PPP1R12B: variants seen among roughly 807,000 people sequenced by gnomAD.
PPP1R12B encodes protein phosphatase 1 regulatory subunit 12B.
A neutral mutation model predicts 126.1 loss-of-function variants in PPP1R12B; 76 were observed. The ratio of observed to expected loss-of-function variants is 0.60; its 90% confidence interval spans 0.50 to 0.73. The LOEUF is 0.73. Among genes scored for constraint, PPP1R12B ranks in the 30% least tolerant of loss-of-function variants. The pLI is 0.00. For synonymous variants in PPP1R12B, 356 were observed against 434.7 expected (o/e 0.82, Z 2.25); for missense variants, 1,052 against 1,205.1 (o/e 0.87, Z 1.88).
At chr1:202,366,504 C>T (rs369475753) in intron 1 of PPP1R12B, among the ~76,000 whole-genome samples, 8 of 104,154 alleles carry the variant, frequency 7.7e-5, no homozygotes, top group African/African-American at 2.4e-4. Context: ...GGAGACAGAG[C>T]GAGACTCCAT....
At chr1:202,497,705 G>C (rs1480465185) in intron 18 of PPP1R12B, among the ~76,000 whole-genome samples, 8 of 152,180 alleles carry the variant, frequency 5.3e-5, no homozygotes, top group Admixed American at 4.6e-4. Context: ...ACATAGGTGA[G>C]AATTGCCTGC....
chr1:202,388,323 G>A (rs1296172003), intron 1 of PPP1R12B, among the ~76,000 whole-genome samples: 1 of 152,080 alleles, frequency 6.6e-6, no homozygotes, highest in African/African-American at 2.4e-5. Flanking sequence ...AGCTGGGACT[G>A]CAGGCGCACG....
rs56752885 is a variant in PPP1R12B at position 202,555,325 on chromosome 1, G to GAAAAAA, written c.2491-3529_2491-3524dup. ...AAAACCCTAATTTTCCTGTTTTAATGAAAAAAAAAAAAAAAAAAAAAAAAA... is the reference window on the plus strand; with the variant it reads ...AAAACCCTAATTTTCCTGTTTTAATGAAAAAAAAAAAAAAAAAAAAAAAAAAAAAAA... On this transcript the variant is annotated intron_variant, in intron 18 of 23. Coordinates refer to ENST00000608999, the MANE Select transcript of PPP1R12B (RefSeq NM_002481.4). Among the ~76,000 whole-genome samples the GAAAAAA allele has an allele frequency of 2.6e-3, 67 of 25,354 alleles. 19 individuals carry two copies. The highest frequency in any genetic ancestry group is 5.6e-3 in the African/African-American group (35 of 6,248). 16.6% of individuals were successfully genotyped at this position (25,354 alleles called of 152,430 possible).
At chr1:202,381,043 A>G (rs1003854912) in intron 1 of PPP1R12B, among the ~76,000 whole-genome samples, 2 of 152,202 alleles carry the variant, frequency 1.3e-5, no homozygotes, top group East Asian at 1.9e-4. Context: ...TTGTATCTCA[A>G]TAGCATTCCG....
intron 13 of PPP1R12B, among the ~76,000 whole-genome samples, chr1:202,483,192 T>A (rs1195753147): frequency 6.6e-6 from 1 of 152,060 alleles, no homozygotes; most frequent in Non-Finnish European, 1.5e-5. Context: ...CTTCCAGCTT[T>A]CCACTCAGAA....
At chr1:202,438,045 G>A in intron 10 of PPP1R12B, 21 bp downstream of exon 10, 7 of 1,611,600 alleles carry the variant, frequency 4.3e-6, no homozygotes, top group Non-Finnish European at 5.9e-6. Context: ...GGAGGGTATG[G>A]GGGAATTCCA....
intron 1 of PPP1R12B, among the ~76,000 whole-genome samples, chr1:202,374,000 C>A (rs756089475): frequency 3.9e-5 from 6 of 152,000 alleles, no homozygotes; most frequent in Non-Finnish European, 8.8e-5. Context: ...CCGTTAATAA[C>A]CCTGGGAAAT....
chr1:202,424,143 G>A (rs1369627869), intron 3 of PPP1R12B, among the ~76,000 whole-genome samples: 1 of 152,108 alleles, frequency 6.6e-6, no homozygotes, highest in Non-Finnish European at 1.5e-5. Flanking sequence ...TGTTTTGATT[G>A]CTGACTCTTC....
At chr1:202,526,410 A>G (rs1683354711) in intron 18 of PPP1R12B, among the ~76,000 whole-genome samples, 1 of 152,222 alleles carries the variant, frequency 6.6e-6, no homozygotes, top group South Asian at 2.1e-4. Context: ...TAGTCCACTA[A>G]AGGTTCAAAG....
chr1:202,394,754 C>T (rs1247011128), intron 1 of PPP1R12B, among the ~76,000 whole-genome samples: 1 of 143,208 alleles, frequency 7.0e-6, no homozygotes, highest in Non-Finnish European at 1.5e-5. Context: ...AACTCTGTCT[C>T]AGAAAAAAAA....
chr1:202,425,698 C>T lies in PPP1R12B; in HGVS notation c.674C>T (p.Ala225Val), dbSNP rs1176384653. Residue 225 changes from alanine (A) to valine (V), a missense_variant, in exon 4 of 24, where the codon GCT (alanine) becomes GTT (valine). Physicochemically the swap from Ala to Val is moderately conservative, Grantham distance 64. Transcript: ENST00000608999. ...GGGGCTACAGCCCTTCATGTGGCTG[C>T]TGCCAAGGGCTACTCTGAAGTCCTC... is the stretch of plus-strand genomic sequence containing the variant. ...RSGATALHVA[A>V]AKGYSEVLRL... 2 of 1,613,798 alleles carry T rather than the reference C, an allele frequency of 1.2e-6. No individual in the cohort carries two copies. The highest frequency in any genetic ancestry group is 1.7e-6 in the Non-Finnish European group (2 of 1,179,862).
In PPP1R12B at chr1:202,425,745, A is replaced by G; in HGVS notation, c.701+20A>G. 6.3e-7 allele frequency: 1 copy of G among 1,599,922 alleles called. No homozygotes were observed. ...CCTCAGGTATTGTCCATTTACATCAATCAGGAGTGGTTCACTGGGAGAAGA... is the reference window on the plus strand; with the variant it reads ...CCTCAGGTATTGTCCATTTACATCAGTCAGGAGTGGTTCACTGGGAGAAGA... On this transcript the variant is annotated intron_variant, in intron 4 of 23. Coordinates refer to ENST00000608999, the MANE Select transcript of PPP1R12B (RefSeq NM_002481.4).
intron 13 of PPP1R12B, chr1:202,474,075 A>G: frequency 2.1e-6 from 1 of 467,760 alleles, no homozygotes; most frequent in Non-Finnish European, 4.4e-6. Flanking sequence ...AGTAGCTCTA[A>G]AGTGTGCTGT....
chr1:202,380,844 C>A (rs1662129477), intron 1 of PPP1R12B, among the ~76,000 whole-genome samples: 2 of 152,148 alleles, frequency 1.3e-5, no homozygotes, highest in South Asian at 4.2e-4. Context: ...GTATTAAAAT[C>A]TCAAGTATCT....
At chr1:202,570,485 C>T (rs944415366) in intron 23 of PPP1R12B, among the ~76,000 whole-genome samples, 1 of 152,124 alleles carries the variant, frequency 6.6e-6, no homozygotes, top group Non-Finnish European at 1.5e-5. Flanking sequence ...TTAAGCAATA[C>T]CTGCTTATAT....
rs552543095 is a variant in PPP1R12B at position 202,520,895 on chromosome 1, T to C, written c.2490+24073T>C. 1.1e-4 allele frequency among the ~76,000 whole-genome samples: 16 copies of C among 152,280 alleles called. No individual in the cohort carries two copies. The South Asian group carries it at 3.3e-3, about 32-fold the overall frequency. ...GCCAGTAATAGAAAAGCCACTATGA[T>C]GGCAGGGGATCGGGGGGTGCTATGA... On this transcript the variant is annotated intron_variant, in intron 18 of 23. Transcript: ENST00000608999.
At chr1:202,390,367 AATTG>A (rs1663941572) in intron 1 of PPP1R12B, among the ~76,000 whole-genome samples, 1 of 152,202 alleles carries the variant, frequency 6.6e-6, no homozygotes, top group African/African-American at 2.4e-5. Flanking sequence ...CGGATTGATT[AATTG>A]ATTGAATTTA....
intron 13 of PPP1R12B, among the ~76,000 whole-genome samples, chr1:202,452,356 T>C (rs1415084486): frequency 4.6e-5 from 7 of 152,296 alleles, no homozygotes; most frequent in African/African-American, 1.2e-4. Context: ...GAGACCAGCC[T>C]GGCCAACACA....
chr1:202,513,190 T>TCA (rs1681741054), intron 18 of PPP1R12B, among the ~76,000 whole-genome samples: 2 of 152,196 alleles, frequency 1.3e-5, no homozygotes, highest in Non-Finnish European at 2.9e-5. Context: ...GCCAGGCTGA[T>TCA]CTTGAACTCC....
Sources: allele counts gnomAD v4.1 joint callset (sites outside exome capture counted in the v4.1 genomes callset), GRCh38; gene constraint gnomAD v4.1.1; transcripts MANE v1.5; gene names NCBI Gene and HGNC (gene_info 2026-07-23, HGNC 2026-07-21).